Variants in NAA11 observed in about 807,000 individuals in gnomAD.
The protein encoded by NAA11 is N-alpha-acetyltransferase 11, NatA catalytic subunit, also known as N-alpha-acetyltransferase 11.
A neutral mutation model predicts 16.1 loss-of-function variants in NAA11; 15 were observed. The ratio of observed to expected loss-of-function variants is 0.93; its 90% confidence interval spans 0.62 to 1.44. The LOEUF (loss-of-function observed/expected upper bound fraction) is 1.44. NAA11 is among the 40% of genes most tolerant of loss of function. The pLI is 0.00. For synonymous variants in NAA11, 122 were observed against 112.4 expected (o/e 1.09, Z -0.54); for missense variants, 298 against 291.3 (o/e 1.02, Z -0.17).
chr4:79,168,459 A>G, the NAA11 span, among the ~76,000 whole-genome samples: 2 of 152,298 alleles, frequency 1.3e-5, no homozygotes, highest in East Asian at 1.9e-4. Flanking sequence ...GTCTTCCACA[A>G]TGGTTGAACT....
chr4:79,194,503 T>C, the NAA11 span, among the ~76,000 whole-genome samples: 11 of 151,928 alleles, frequency 7.2e-5, no homozygotes, highest in Non-Finnish European at 1.3e-4. Context: ...TCTGGGTGCT[T>C]AGGGCAAGTG....
At chr4:79,216,179 A>C in the NAA11 span, among the ~76,000 whole-genome samples, 160 of 152,250 alleles carry the variant, frequency 1.1e-3, no homozygotes, top group Middle Eastern at 3.4e-3. Flanking sequence ...ATAAGTGAAC[A>C]AAAAATTGTG....
At chr4:79,300,510 A>G (rs1159946360) in intron 1 of NAA11, among the ~76,000 whole-genome samples, 1 of 152,240 alleles carries the variant, frequency 6.6e-6, no homozygotes, top group East Asian at 1.9e-4. Context: ...AACATTTGAT[A>G]AATGTCCACC....
rs576181433 is a variant in NAA11, at chr4:79,248,365, G to T, written c.*123-22095C>A. Reference sequence around the variant, plus strand: ...CCCACAATCGTTTGATGGGTCATGTGGGATCAGGTGGACCTTCCTTCCCTT... The same window carrying T: ...CCCACAATCGTTTGATGGGTCATGTTGGATCAGGTGGACCTTCCTTCCCTT... On this transcript the variant is annotated intron_variant and NMD_transcript_variant, in intron 2 of 2. Coordinates refer to the NAA11 transcript ENST00000511542. Among the ~76,000 whole-genome samples the T allele has an allele frequency of 4.6e-5, 7 of 152,140 alleles. 1 individual carries two copies. The South Asian group carries it at 1.5e-3, about 32-fold the overall frequency.
intron 1 of NAA11, among the ~76,000 whole-genome samples, chr4:79,297,355 G>A (rs944615937): frequency 3.3e-5 from 5 of 152,170 alleles, no homozygotes; most frequent in African/African-American, 9.7e-5. Flanking sequence ...GGGCCTCAGC[G>A]AGGACCTGGA....
intron 2 of NAA11, among the ~76,000 whole-genome samples, chr4:79,254,645 CTTT>C (rs55884114): frequency 8.1e-6 from 1 of 123,202 alleles, no homozygotes; most frequent in African/African-American, 3.0e-5. Flanking sequence ...TTGTCCTTTT[CTTT>C]TTTTTTTTTT....
At chr4:79,158,238 G>T in the NAA11 span, among the ~76,000 whole-genome samples, 10 of 151,952 alleles carry the variant, frequency 6.6e-5, no homozygotes, top group Non-Finnish European at 1.5e-4. Flanking sequence ...AAAGCTCCTA[G>T]AACTGATAAA....
intron 2 of NAA11, among the ~76,000 whole-genome samples, chr4:79,241,733 A>G (rs1578157665): frequency 6.6e-6 from 1 of 152,214 alleles, no homozygotes; most frequent in Non-Finnish European, 1.5e-5. Context: ...TTTTGGGGAA[A>G]GGGTAAGAAC....
At chr4:79,304,679 T>C (rs1231653809) in intron 1 of NAA11, among the ~76,000 whole-genome samples, 1 of 152,160 alleles carries the variant, frequency 6.6e-6, no homozygotes, top group Non-Finnish European at 1.5e-5. Flanking sequence ...CTCAAAAATA[T>C]CCTTTTTGGG....
At chr4:79,164,437 C>T in the NAA11 span, among the ~76,000 whole-genome samples, 37 of 152,302 alleles carry the variant, frequency 2.4e-4, 1 homozygote, top group Admixed American at 3.3e-4. Context: ...ACATTGAGGA[C>T]GGTGTCTTTC....
At chr4:79,235,587 A>C (rs1560692861) in intron 2 of NAA11, among the ~76,000 whole-genome samples, 1 of 152,136 alleles carries the variant, frequency 6.6e-6, no homozygotes, top group Non-Finnish European at 1.5e-5. Context: ...TTAAATGTGA[A>C]CTTAATGTAG....
the NAA11 span, among the ~76,000 whole-genome samples, chr4:79,210,971 A>G: frequency 6.6e-6 from 1 of 152,204 alleles, no homozygotes; most frequent in African/African-American, 2.4e-5. Flanking sequence ...ACTTGCAGAT[A>G]GTAGTCATTA....
the NAA11 span, among the ~76,000 whole-genome samples, chr4:79,181,227 TAAA>T: frequency 1.6e-5 from 2 of 128,994 alleles, no homozygotes; most frequent in Non-Finnish European, 3.4e-5. Context: ...CTTAAAGTAT[TAAA>T]AAAAAAAAAA....
At chr4:79,241,022 G>A (rs1721682796) in intron 2 of NAA11, among the ~76,000 whole-genome samples, 2 of 152,162 alleles carry the variant, frequency 1.3e-5, no homozygotes, top group South Asian at 4.1e-4. Flanking sequence ...ATGGCTAGTG[G>A]AGAAAGGAAG....
In NAA11 at chr4:79,320,090, T is replaced by C. The variant is rs112798121; in HGVS notation, c.*13-2299A>G. Among the ~76,000 whole-genome samples, 2 of 152,334 alleles carry C rather than the reference T, an allele frequency of 1.3e-5. 1 individual carries two copies. Among genetic ancestry groups the C allele is most frequent in the African/African-American group, 4.8e-5 (2 of 41,572 alleles). On this transcript the variant is annotated intron_variant, in intron 1 of 1. Transcript: ENST00000286794. ...TTATTAATAATCAAGCACATATTTC[T>C]TGTCAAGAGATAAGCAGCAGTTTGA...
the NAA11 span, among the ~76,000 whole-genome samples, chr4:79,196,357 C>T: frequency 3.3e-5 from 5 of 151,974 alleles, no homozygotes; most frequent in African/African-American, 1.2e-4. Context: ...GCTAGGCTTT[C>T]TCCTGAATTT....
the NAA11 span, among the ~76,000 whole-genome samples, chr4:79,218,253 T>A: frequency 6.6e-6 from 1 of 152,098 alleles, no homozygotes; most frequent in Non-Finnish European, 1.5e-5. Context: ...ATTAACAATA[T>A]AACTTAAACA....
chr4:79,313,597 T>C (rs1056456474), downstream of NAA11, among the ~76,000 whole-genome samples: 3 of 152,154 alleles, frequency 2.0e-5, no homozygotes, highest in South Asian at 2.1e-4. Context: ...AGAGTTTTTT[T>C]CCCCAGAACT....
At chr4:79,256,068 A>T (rs1281258641) in intron 2 of NAA11, among the ~76,000 whole-genome samples, 2 of 152,114 alleles carry the variant, frequency 1.3e-5, no homozygotes, top group Non-Finnish European at 2.9e-5. Context: ...CTGGTGTCTG[A>T]GCCCCACCTC....
Sources: gnomAD v4.1 joint callset for allele counts (sites outside exome capture counted in the v4.1 genomes callset) on GRCh38, gnomAD v4.1.1 for gene constraint, MANE v1.5 for transcripts, NCBI Gene and HGNC (gene_info 2026-07-23, HGNC 2026-07-21) for gene names.